Variants in MORC1 observed in about 807,000 individuals in gnomAD.
MORC1 encodes the protein MORC family CW-type zinc finger protein 1.
A neutral mutation model predicts 134.9 loss-of-function variants in MORC1; 59 were observed. The observed-to-expected ratio is 0.44, with a 90% CI of 0.35 to 0.54. The LOEUF is 0.54. MORC1 is among the 20% of genes least tolerant of loss of function. MORC1 has a pLI of 0.00. For synonymous variants in MORC1, 395 were observed against 391.7 expected (o/e 1.01, Z -0.10); for missense variants, 947 against 1,134.5 (o/e 0.83, Z 2.37).
At chr3:109,091,679 C>T (rs1355650572) in intron 8 of MORC1, among the ~76,000 whole-genome samples, 3 of 152,024 alleles carry the variant, frequency 2.0e-5, no homozygotes, top group African/African-American at 7.2e-5. Context: ...AAATATATCG[C>T]GTCCTCAGTT....
At chr3:109,041,271 A>G (rs1161886648) in intron 14 of MORC1, among the ~76,000 whole-genome samples, 2 of 152,102 alleles carry the variant, frequency 1.3e-5, no homozygotes, top group Non-Finnish European at 2.9e-5. Flanking sequence ...AGATCGCGCC[A>G]CTGCACTCCA....
At chr3:109,010,765 T>C (rs1220928697) in intron 17 of MORC1, among the ~76,000 whole-genome samples, 1 of 152,220 alleles carries the variant, frequency 6.6e-6, no homozygotes, top group East Asian at 1.9e-4. Context: ...TCACACAGTA[T>C]GTAATCTTGA....
intron 27 of MORC1, among the ~76,000 whole-genome samples, chr3:108,960,145 C>T (rs1487161008): frequency 1.3e-5 from 2 of 152,172 alleles, no homozygotes; most frequent in Non-Finnish European, 2.9e-5. Context: ...CTGTCCACAT[C>T]CCTTTGCAAG....
At chr3:109,040,489 G>GAAAGA (rs1423525992) in intron 14 of MORC1, among the ~76,000 whole-genome samples, 1 of 80,862 alleles carries the variant, frequency 1.2e-5, no homozygotes, top group African/African-American at 3.7e-5. Context: ...AGAAAGAAAG[G>GAAAGA]AAAGAAAAGA....
chr3:109,016,894 A>C (rs1212797218), intron 17 of MORC1, among the ~76,000 whole-genome samples: 21 of 152,204 alleles, frequency 1.4e-4, no homozygotes, highest in Non-Finnish European at 2.9e-5. Flanking sequence ...GAAAGAAAAA[A>C]GGAAAAGGTC....
chr3:109,009,835 T>C (rs1433411193), intron 17 of MORC1, among the ~76,000 whole-genome samples: 1 of 152,096 alleles, frequency 6.6e-6, no homozygotes, highest in Non-Finnish European at 1.5e-5. Flanking sequence ...TAGCTTCAAG[T>C]TTTACCGTTT....
At chr3:109,094,123 T>C (rs186939930) in intron 7 of MORC1, among the ~76,000 whole-genome samples, 1 of 152,216 alleles carries the variant, frequency 6.6e-6, no homozygotes, top group Non-Finnish European at 1.5e-5. Context: ...AATGAATGAG[T>C]GTGGTTGCGT....
chr3:109,091,563 G>T (rs1217297513), intron 8 of MORC1, among the ~76,000 whole-genome samples: 2 of 152,080 alleles, frequency 1.3e-5, no homozygotes, highest in Admixed American at 1.3e-4. Context: ...GTGGAATTAA[G>T]GGCAAATCTT....
At chr3:108,959,303 C>T (rs1161009507) in intron 27 of MORC1, among the ~76,000 whole-genome samples, 183 bp from the exon 28 acceptor site, 4 of 152,124 alleles carry the variant, frequency 2.6e-5, no homozygotes, top group Admixed American at 1.3e-4. Context: ...TGCTAACAAG[C>T]GGTTAGAAAC....
chr3:109,117,331 C>CAAAAAAAAAA (rs202128565), intron 1 of MORC1, among the ~76,000 whole-genome samples: 53 of 113,530 alleles, frequency 4.7e-4, no homozygotes, highest in African/African-American at 9.8e-4. Flanking sequence ...CAAAAGATGT[C>CAAAAAAAAAA]AAAAAAAAAA....
At chr3:109,038,906 G>A (rs1949444041) in intron 14 of MORC1, among the ~76,000 whole-genome samples, 1 of 152,098 alleles carries the variant, frequency 6.6e-6, no homozygotes, top group African/African-American at 2.4e-5. Flanking sequence ...GCTTAGGATT[G>A]TCTTGGCTAT....
chr3:108,973,251 C>A (rs970245834), intron 24 of MORC1, among the ~76,000 whole-genome samples: 1 of 152,154 alleles, frequency 6.6e-6, no homozygotes, highest in Non-Finnish European at 1.5e-5. Flanking sequence ...ATGCCAGGAA[C>A]CCAATACAAT....
intron 24 of MORC1, among the ~76,000 whole-genome samples, chr3:108,973,750 C>G (rs985227116): frequency 6.6e-6 from 1 of 151,826 alleles, no homozygotes; most frequent in Admixed American, 6.6e-5. Flanking sequence ...GCGCACGCCA[C>G]CACACCCAGC....
At chr3:109,109,619 G>A (rs1320297707) in intron 3 of MORC1, 1 of 152,138 alleles carries the variant, frequency 6.6e-6, no homozygotes, top group East Asian at 1.9e-4. Context: ...GATATGGAAG[G>A]GAAGATGACT....
At chr3:108,962,151 A>G (rs1947096986) in intron 27 of MORC1, among the ~76,000 whole-genome samples, 1 of 152,176 alleles carries the variant, frequency 6.6e-6, no homozygotes, top group Non-Finnish European at 1.5e-5. Flanking sequence ...CGCAAATACA[A>G]TTACCTTTAT....
intron 1 of MORC1, among the ~76,000 whole-genome samples, chr3:109,114,989 T>C (rs949745107): frequency 3.9e-5 from 6 of 152,204 alleles, no homozygotes; most frequent in Non-Finnish European, 7.4e-5. Context: ...CTTTCTCCTG[T>C]ACCCTCGAAT....
intron 17 of MORC1, among the ~76,000 whole-genome samples, chr3:109,026,481 C>G (rs914530072): frequency 2.0e-5 from 3 of 152,122 alleles, no homozygotes; most frequent in Middle Eastern, 3.2e-3. Context: ...AAACAAACAA[C>G]AAGCTAATTA....
At position 109,085,469 on chromosome 3, in the gene MORC1, C is replaced by T. The variant is rs1196039694; in HGVS notation, c.689+7967G>A. 2.6e-5 allele frequency among the ~76,000 whole-genome samples: 4 copies of T among 152,154 alleles called. No individual in the cohort carries two copies. The East Asian group carries it at 7.7e-4, about 29-fold the overall frequency. On this transcript the variant is annotated intron_variant, in intron 8 of 27. Coordinates refer to ENST00000232603, the MANE Select transcript of MORC1 (RefSeq NM_014429.4). ...GCAAAAGACCCGAATAGACATTTCT[C>T]AAAAGACAACATACAAATAGCCAAA...
intron 14 of MORC1, among the ~76,000 whole-genome samples, chr3:109,036,459 T>C (rs776158565): frequency 2.0e-5 from 3 of 152,118 alleles, no homozygotes; most frequent in Admixed American, 6.5e-5. Flanking sequence ...ACTTTTACTT[T>C]TCACTTTTTA....
Sources: gnomAD v4.1 joint callset for allele counts (sites outside exome capture counted in the v4.1 genomes callset) on GRCh38, gnomAD v4.1.1 for gene constraint, MANE v1.5 for transcripts, NCBI Gene and HGNC (gene_info 2026-07-23, HGNC 2026-07-21) for gene names.